Variants in ACER2 observed in about 807,000 individuals in gnomAD.
ACER2 encodes alkaline ceramidase 2, also known as alkCDase 2.
ACER2 carries 26 observed loss-of-function variants against 34.7 expected under a neutral mutation model. That is an observed-to-expected ratio of 0.75 (90% confidence interval 0.55 to 1.04). The LOEUF (loss-of-function observed/expected upper bound fraction) is 1.04. Among genes scored for constraint, ACER2 ranks in the 50% least tolerant of loss-of-function variants. ACER2 has a pLI of 0.00. For missense variants in ACER2, 352 were observed against 340.8 expected, an observed-to-expected ratio of 1.03 and a Z score of -0.26; for synonymous variants, 138 against 132.1, an observed-to-expected ratio of 1.04 and a Z score of -0.31.
At chr9:19,413,224 A>C (rs1304112506) in intron 1 of ACER2, among the ~76,000 whole-genome samples, 3 of 152,186 alleles carry the variant, frequency 2.0e-5, no homozygotes, top group African/African-American at 7.2e-5. Flanking sequence ...TTCCTTTCAC[A>C]GCCTTTTACT....
chr9:19,442,007 C>G (rs1190859878), intron 4 of ACER2, among the ~76,000 whole-genome samples: 1 of 152,138 alleles, frequency 6.6e-6, no homozygotes, highest in African/African-American at 2.4e-5. Flanking sequence ...ATTCCTAAAG[C>G]TTGTTTCTAG....
intron 1 of ACER2, among the ~76,000 whole-genome samples, chr9:19,418,782 G>C (rs1830316287): frequency 6.6e-6 from 1 of 152,040 alleles, no homozygotes. Context: ...ACCATGGCAC[G>C]TGTATAGCTA....
At chr9:19,435,367 T>C (rs540568771) in intron 4 of ACER2, among the ~76,000 whole-genome samples, 7 of 152,258 alleles carry the variant, frequency 4.6e-5, no homozygotes, top group East Asian at 1.9e-4. Flanking sequence ...CTAGACTTAA[T>C]TCTGTAGAAA....
intron 1 of ACER2, among the ~76,000 whole-genome samples, chr9:19,423,649 C>T (rs1830474855): frequency 1.3e-5 from 2 of 152,184 alleles, no homozygotes; most frequent in African/African-American, 2.4e-5. Flanking sequence ...TGCAGTGAGC[C>T]AAGATCGTAC....
chr9:19,432,107 G>A (rs1189755858), intron 3 of ACER2, among the ~76,000 whole-genome samples: 3 of 152,114 alleles, frequency 2.0e-5, no homozygotes, highest in Admixed American at 6.6e-5. Context: ...CGCCACTTCC[G>A]GCTCTTTCTA....
intron 3 of ACER2, among the ~76,000 whole-genome samples, chr9:19,433,949 G>T (rs931205410): frequency 1.3e-5 from 2 of 151,926 alleles, no homozygotes; most frequent in Admixed American, 6.5e-5. Flanking sequence ...CCGGGCAGGG[G>T]GCTGACCCCC....
At chr9:19,423,034 A>G in intron 1 of ACER2, among the ~76,000 whole-genome samples, 1 of 141,756 alleles carries the variant, frequency 7.1e-6, no homozygotes, top group Non-Finnish European at 1.5e-5. Flanking sequence ...CTCTGTCTCA[A>G]AAAAAAAAAA....
chr9:19,448,629 G>A (rs1393818616), intron 5 of ACER2, among the ~76,000 whole-genome samples: 2 of 152,098 alleles, frequency 1.3e-5, no homozygotes, highest in Non-Finnish European at 2.9e-5. Flanking sequence ...ACTGTTTACT[G>A]AAGTCTGTAA....
At chr9:19,422,137 ATT>A (rs950874280) in intron 1 of ACER2, among the ~76,000 whole-genome samples, 1 of 150,916 alleles carries the variant, frequency 6.6e-6, no homozygotes, top group Non-Finnish European at 1.5e-5. Context: ...AAAAAAAAAA[ATT>A]ATAATAATAA....
At position 19,446,379 on chromosome 9, in the gene ACER2, T is replaced by A; in HGVS notation, c.602T>A (p.Leu201Gln). ...CWISDRAFCE[L>Q]LSSFNFPYLH... ...ATCAGTGACCGAGCTTTCTGCGAGC[T>A]GCTGTCATCCTTCAACTTCCCCTAC... is the stretch of plus-strand genomic sequence containing the variant. The change falls in exon 5 of 6, where the codon CTG (leucine) becomes CAG (glutamine). Residue 201 changes from leucine to glutamine, a missense_variant. Leu to Gln is a moderately radical substitution (Grantham distance 113, BLOSUM62 -2). Coordinates refer to ENST00000340967, the MANE Select transcript of ACER2 (RefSeq NM_001010887.3). 7 of 1,614,172 alleles carry A rather than the reference T, an allele frequency of 4.3e-6. No individual in the cohort carries two copies. The highest frequency in any genetic ancestry group is 5.9e-6 in the Non-Finnish European group (7 of 1,180,028).
In ACER2 at chr9:19,432,013, G is replaced by T. The variant is rs1158278940; in HGVS notation, c.366-2934G>T. Among the ~76,000 whole-genome samples the T allele has an allele frequency of 3.9e-5, 6 of 152,180 alleles. 1 individual carries two copies. Among genetic ancestry groups the T allele is most frequent in the African/African-American group, 1.4e-4 (6 of 41,450 alleles). On this transcript the variant is annotated intron_variant, in intron 3 of 5. Coordinates refer to ENST00000340967, the MANE Select transcript of ACER2 (RefSeq NM_001010887.3). ...AATTGAAGTCATGAATGAGGCCTTG[G>T]AAATCATCTAGTCCAGCCTTTTCGT...
In ACER2 at chr9:19,450,839, C is replaced by A; in HGVS notation, c.*203C>A. 1 of 405,630 alleles carries A rather than the reference C, an allele frequency of 2.5e-6. No homozygotes were observed. Among genetic ancestry groups the A allele is most frequent in the Non-Finnish European group, 4.2e-6 (1 of 236,500 alleles). 25.1% of individuals were successfully genotyped at this position (405,630 alleles called of 1,614,324 possible). On this transcript the variant is annotated 3_prime_UTR_variant, in exon 6 of 6. Coordinates refer to ENST00000340967, the MANE Select transcript of ACER2 (RefSeq NM_001010887.3). Reference sequence around the variant, plus strand: ...ATATGGTACAAATATTCCCTGCCCCCCTGCAGTTTCCCATTTGTCTTTCAG... The same window carrying A: ...ATATGGTACAAATATTCCCTGCCCCACTGCAGTTTCCCATTTGTCTTTCAG...
intron 5 of ACER2, chr9:19,450,249 G>A (rs1831517766): frequency 1.0e-6 from 1 of 985,240 alleles, no homozygotes; most frequent in South Asian, 4.7e-5. Flanking sequence ...TCTAAAACGG[G>A]TCCCAAATTG....
At chr9:19,431,113 G>A (rs1009487482) in intron 3 of ACER2, among the ~76,000 whole-genome samples, 4 of 152,036 alleles carry the variant, frequency 2.6e-5, no homozygotes, top group African/African-American at 9.7e-5. Flanking sequence ...TTCCCTGAGA[G>A]TATGATATCA....
chr9:19,446,251 C>A (rs747297231), intron 4 of ACER2, 30 bp from the exon 5 acceptor site: 3 of 1,614,044 alleles, frequency 1.9e-6, no homozygotes, highest in Non-Finnish European at 2.5e-6. Context: ...CAAGGTCTGA[C>A]GATGAGTGAC....
At chr9:19,441,547 C>A (rs947678612) in intron 4 of ACER2, among the ~76,000 whole-genome samples, 4 of 152,274 alleles carry the variant, frequency 2.6e-5, no homozygotes, top group African/African-American at 9.6e-5. Context: ...TTTATGCCAT[C>A]CCTTTTTCTG....
At chr9:19,446,255 G>T (rs1831355788) in intron 4 of ACER2, 26 bp from the exon 5 acceptor site, 2 of 1,614,030 alleles carry the variant, frequency 1.2e-6, no homozygotes, top group Non-Finnish European at 1.7e-6. Context: ...GTCTGACGAT[G>T]AGTGACTCTC....
intron 4 of ACER2, 23 bp downstream of exon 4, chr9:19,435,107 AC>A: frequency 1.2e-6 from 2 of 1,612,946 alleles, no homozygotes; most frequent in Non-Finnish European, 1.7e-6. Flanking sequence ...ATTCCTGCCT[AC>A]CCTTAGCTGT....
At chr9:19,438,019 A>G (rs1373490968) in intron 4 of ACER2, among the ~76,000 whole-genome samples, 3 of 152,210 alleles carry the variant, frequency 2.0e-5, no homozygotes, top group African/African-American at 7.2e-5. Context: ...AAAGGTCTGT[A>G]TCTTGCTAAT....
Sources: allele counts gnomAD v4.1 joint callset (sites outside exome capture counted in the v4.1 genomes callset), GRCh38; gene constraint gnomAD v4.1.1; transcripts MANE v1.5; gene names NCBI Gene and HGNC (gene_info 2026-07-23, HGNC 2026-07-21).